LDLRAD2: variants seen among roughly 807,000 people sequenced by gnomAD.
The protein encoded by LDLRAD2 is low density lipoprotein receptor class A domain containing 2.
Under a neutral mutation model 24.9 loss-of-function variants are expected in LDLRAD2, and 25 were observed. The ratio of observed to expected loss-of-function variants is 1.00; its 90% CI spans 0.73 to 1.40. LDLRAD2 has a LOEUF of 1.40. Ranked by LOEUF, LDLRAD2 falls within the 40% of genes most tolerant of loss-of-function variation. The probability of loss-of-function intolerance (pLI) is 0.00; values close to 1 mark genes in which losing one functional copy is unlikely to be tolerated. For synonymous variants in LDLRAD2, 182 were observed against 166.7 expected, an observed-to-expected ratio of 1.09 and a Z score of -0.71; for missense variants, 391 against 366.2, an observed-to-expected ratio of 1.07 and a Z score of -0.55.
chr1:21,816,222 C>A, intron 3 of LDLRAD2, 148 bp downstream of exon 3: 1 of 998,678 alleles, frequency 1.0e-6, no homozygotes, highest in Non-Finnish European at 1.4e-6. Flanking sequence ...GCTGGAGGGG[C>A]AGAGCAGTCA....
At chr1:21,813,034 C>T (rs1364458903) in intron 1 of LDLRAD2, among the ~76,000 whole-genome samples, 4 of 152,220 alleles carry the variant, frequency 2.6e-5, no homozygotes, top group Admixed American at 6.5e-5. Flanking sequence ...CAGTGGCTCA[C>T]GCCTGTAATC....
intron 3 of LDLRAD2, among the ~76,000 whole-genome samples, chr1:21,817,101 G>A (rs1016306721): frequency 6.6e-6 from 1 of 152,100 alleles, no homozygotes; most frequent in East Asian, 1.9e-4. Flanking sequence ...TTTACTCCCC[G>A]CTTAACCCAT....
rs190764440 is a variant in LDLRAD2, at chr1:21,816,678, G to A, written c.643+604G>A. ...TGCCCACCACACCCAATTAGGAGTG[G>A]GATGGAGGTAGGGCTGCCATGTACA... On this transcript the variant is annotated intron_variant, in intron 3 of 4. Transcript: ENST00000344642. Among the ~76,000 whole-genome samples the A allele has an allele frequency of 2.6e-5, 4 of 152,214 alleles. No homozygotes were observed. In the East Asian group the frequency reaches 7.7e-4, roughly 29 times the overall value.
rs755849389 is a variant in LDLRAD2 at position 21,823,688 on chromosome 1, C to A, written c.*1473C>A. ...GACCGGCCGCTGACCAGCTCCTCAC[C>A]GTCGACTTGGATGGAACCTCTGCGG... is the stretch of plus-strand genomic sequence containing the variant. On this transcript the variant is annotated 3_prime_UTR_variant, in exon 5 of 5. Transcript: ENST00000344642. 2 of 1,613,668 alleles carry A rather than the reference C, an allele frequency of 1.2e-6. No individual in the cohort carries two copies. Among genetic ancestry groups the A allele is most frequent in the Non-Finnish European group, 1.7e-6 (2 of 1,180,008 alleles).
rs1288875059 is a variant in LDLRAD2 at position 21,823,370 on chromosome 1, C to G, written c.*1155C>G. 1.9e-6 allele frequency: 3 copies of G among 1,550,754 alleles called. No individual in the cohort carries two copies. On this transcript the variant is annotated 3_prime_UTR_variant, in exon 5 of 5. Transcript: ENST00000344642. ...CGGCCTGGGCGCGGTGCTGCAGGTC[C>G]AGGGGCTGTGGGGGCGGGGCGCCGG...
chr1:21,823,236 C>T lies in LDLRAD2; in HGVS notation c.*1021C>T. 7.8e-7 allele frequency: 1 copy of T among 1,278,778 alleles called. No individual in the cohort carries two copies. The highest frequency in any genetic ancestry group is 1.0e-6 in the Non-Finnish European group (1 of 975,248). The allele number at this position is 1,278,778 out of a possible 1,614,324, so 79.2% of individuals were successfully genotyped here. A position where few individuals can be genotyped will look rare whatever the true frequency, so the allele number is the denominator to read the frequency against. The stretch of plus-strand genomic sequence containing the variant: ...ATCGCCTCGGTTTCTTACAAAAATT[C>T]ATAATAATATTAATAATAATATACT... On this transcript the variant is annotated 3_prime_UTR_variant, in exon 5 of 5. Coordinates refer to ENST00000344642, the MANE Select transcript of LDLRAD2 (RefSeq NM_001013693.3).
Position 21,824,426 on chromosome 1 carries a change from G to C in LDLRAD2, c.*2211G>C. The C allele has an allele frequency of 6.2e-7, 1 of 1,606,264 alleles. No individual in the cohort carries two copies. The highest frequency in any genetic ancestry group is 8.5e-7 in the Non-Finnish European group (1 of 1,173,934). ...GGGGTCCCCAGCCTGGAGAGCAGAG[G>C]CTGCCGAGGCCAGGGGGCTCTGCTT... On this transcript the variant is annotated 3_prime_UTR_variant, in exon 5 of 5. Coordinates refer to ENST00000344642, the MANE Select transcript of LDLRAD2 (RefSeq NM_001013693.3). The surrounding 1 kb of genome is among the most constrained non-coding windows in gnomAD (Gnocchi z 5.9).
intron 3 of LDLRAD2, among the ~76,000 whole-genome samples, chr1:21,820,587 AT>A (rs937091675): frequency 1.8e-4 from 27 of 152,050 alleles, no homozygotes; most frequent in African/African-American, 6.5e-4. Context: ...AACATGCGTA[AT>A]TTTTCTCACT....
In LDLRAD2 at chr1:21,822,489, T is replaced by C; in HGVS notation, c.*274T>C. ...TAGCTCTTCCTGAGCACCAGCGGCA[T>C]CCGTCCGTCCGTTGTCTGTTGGAGG... On this transcript the variant is annotated 3_prime_UTR_variant, in exon 5 of 5. Transcript: ENST00000344642. The C allele has an allele frequency of 2.7e-6, 1 of 370,184 alleles. No homozygotes were observed. The highest frequency in any genetic ancestry group is 8.2e-4 in the Middle Eastern group (1 of 1,222). The allele number at this position is 370,184 out of a possible 1,614,324, so 22.9% of individuals were successfully genotyped here. A position where few individuals can be genotyped will look rare whatever the true frequency, so the allele number is the denominator to read the frequency against.
intron 4 of LDLRAD2, 139 bp from the exon 5 acceptor site, chr1:21,822,063 A>T: frequency 6.5e-7 from 1 of 1,527,798 alleles, no homozygotes; most frequent in Admixed American, 2.0e-5. Context: ...AGGCCCCCTA[A>T]CCCTCTGAGA....
rs756987232 is a variant in LDLRAD2, at chr1:21,816,065, G to A, written c.634G>A (p.Asp212Asn). 1 of 1,613,086 alleles carries A rather than the reference G, an allele frequency of 6.2e-7. No individual in the cohort carries two copies. The highest frequency in any genetic ancestry group is 1.1e-5 in the South Asian group (1 of 91,060). Residue 212 changes from aspartate (D) to asparagine (N), a missense_variant, in exon 3 of 5, where the codon GAC (aspartate) becomes AAC (asparagine). Transcript: ENST00000344642. ...TGACCAGGGCTCCTGGTCACCAGCT[G>A]ACTGCAGAGGTCAGTGCGGGGTGTG... ...GSDQGSWSPA[D>N]CRGPSPVPSQ...
Position 21,824,608 on chromosome 1 carries a change from C to G in LDLRAD2, c.*2393C>G, listed in dbSNP as rs367606633. The G allele has an allele frequency of 1.2e-6, 2 of 1,613,958 alleles. No homozygotes were observed. The highest frequency in any genetic ancestry group is 1.3e-5 in the African/African-American group (1 of 74,934). ...TCCAGCTCGATGGTCTCGGGCACCT[C>G]GGGCAGGCTGCGGAGGAAGAGCGGG... On this transcript the variant is annotated 3_prime_UTR_variant, in exon 5 of 5. Coordinates refer to ENST00000344642, the MANE Select transcript of LDLRAD2 (RefSeq NM_001013693.3). The surrounding 1 kb of genome is among the most constrained non-coding windows in gnomAD (Gnocchi z 5.9).
intron 3 of LDLRAD2, among the ~76,000 whole-genome samples, chr1:21,818,120 A>G (rs985546803): frequency 8.1e-5 from 3 of 36,890 alleles, no homozygotes; most frequent in Non-Finnish European, 1.5e-4. Context: ...CAAGTGATCC[A>G]CCCGCCTTGG....
At position 21,824,385 on chromosome 1, in the gene LDLRAD2, G is replaced by A. The variant is rs1459647807; in HGVS notation, c.*2170G>A. ...CCGGCCTCTCCCACCTCCTGCCAGG[G>A]AAGCACAGGGTCTCTGGGGTCCCCA... On this transcript the variant is annotated 3_prime_UTR_variant, in exon 5 of 5. Coordinates refer to ENST00000344642, the MANE Select transcript of LDLRAD2 (RefSeq NM_001013693.3). The surrounding 1 kb of genome is among the most constrained non-coding windows in gnomAD (Gnocchi z 5.9). 3 of 1,613,778 alleles carry A rather than the reference G, an allele frequency of 1.9e-6. No homozygotes were observed. The highest frequency in any genetic ancestry group is 2.5e-6 in the Non-Finnish European group (3 of 1,179,984).
Position 21,817,989 on chromosome 1 carries a change from G to A in LDLRAD2, c.643+1915G>A, listed in dbSNP as rs1296579772. Among the ~76,000 whole-genome samples the A allele has an allele frequency of 3.9e-5, 6 of 152,256 alleles. 1 individual carries two copies. In the South Asian group the frequency reaches 6.2e-4, roughly 16 times the overall value. Reference sequence around the variant, plus strand: ...CCTCCCTGGTTCAAGCGATTCTCCTGCCTCAGCCTCCGGTGTAGCTGGGAT... The same window carrying A: ...CCTCCCTGGTTCAAGCGATTCTCCTACCTCAGCCTCCGGTGTAGCTGGGAT... On this transcript the variant is annotated intron_variant, in intron 3 of 4. Coordinates refer to ENST00000344642, the MANE Select transcript of LDLRAD2 (RefSeq NM_001013693.3).
chr1:21,823,314 G>T lies in LDLRAD2; in HGVS notation c.*1099G>T. The stretch of plus-strand genomic sequence containing the variant: ...GGGAGTCCGTGTGGGGCAGGCAGGT[G>T]CCTACGAGGGGCAGGGGCGTGTGTT... On this transcript the variant is annotated 3_prime_UTR_variant, in exon 5 of 5. Coordinates refer to ENST00000344642, the MANE Select transcript of LDLRAD2 (RefSeq NM_001013693.3). 1 of 1,528,734 alleles carries T rather than the reference G, an allele frequency of 6.5e-7. No individual in the cohort carries two copies. The allele number at this position is 1,528,734 out of a possible 1,614,324, so 94.7% of individuals were successfully genotyped here.
In LDLRAD2 at chr1:21,822,003, G is replaced by A. The variant is rs148596638; in HGVS notation, c.806-199G>A. 2.3e-3 allele frequency: 3,347 copies of A among 1,435,098 alleles called. 34 individuals are homozygous for A. The highest frequency in any genetic ancestry group is 0.015 in the South Asian group (980 of 67,038). The allele number at this position is 1,435,098 out of a possible 1,614,324, so 88.9% of individuals were successfully genotyped here. ...ACATGGGAATGATACTAGGCTCTGG[G>A]GTCAGACTCTTTGGGTTCTAACCCC... On this transcript the variant is annotated intron_variant, in intron 4 of 4. Coordinates refer to ENST00000344642, the MANE Select transcript of LDLRAD2 (RefSeq NM_001013693.3).
Position 21,823,157 on chromosome 1 carries a change from A to AG in LDLRAD2, c.*945dup. The AG allele has an allele frequency of 1.5e-6, 1 of 674,540 alleles. No homozygotes were observed. The allele number at this position is 674,540 out of a possible 1,614,324, so 41.8% of individuals were successfully genotyped here. ...GTGGCTTTGCCCAGCTGTGTGTGTG[A>AG]GGGTGGCATGCCCACCTCCAGTCCA... is the stretch of plus-strand genomic sequence containing the variant. On this transcript the variant is annotated 3_prime_UTR_variant, in exon 5 of 5. Coordinates refer to ENST00000344642, the MANE Select transcript of LDLRAD2 (RefSeq NM_001013693.3).
At position 21,822,416 on chromosome 1, in the gene LDLRAD2, C is replaced by G. The variant is rs2097954099; in HGVS notation, c.*201C>G. 1 of 604,430 alleles carries G rather than the reference C, an allele frequency of 1.7e-6. No homozygotes were observed. Among genetic ancestry groups the G allele is most frequent in the Admixed American group, 2.8e-5 (1 of 35,760 alleles). 37.4% of individuals were successfully genotyped at this position (604,430 alleles called of 1,614,324 possible). On this transcript the variant is annotated 3_prime_UTR_variant, in exon 5 of 5. Transcript: ENST00000344642. Reference sequence around the variant, plus strand: ...GATGGGGCAGGGTGGTCATATCCCCCTCCTCTCTCTCTCAGTCGTGAGTCC... The same window carrying G: ...GATGGGGCAGGGTGGTCATATCCCCGTCCTCTCTCTCTCAGTCGTGAGTCC...
Sources: allele counts gnomAD v4.1 joint callset (sites outside exome capture counted in the v4.1 genomes callset), GRCh38; gene constraint gnomAD v4.1.1; non-coding constraint Gnocchi (gnomAD v3.1); transcripts MANE v1.5; gene names NCBI Gene and HGNC (gene_info 2026-07-23, HGNC 2026-07-21).